USP42: variants seen among roughly 807,000 people sequenced by gnomAD.
The protein encoded by USP42 is ubiquitin specific peptidase 42.
Under a neutral mutation model 113.0 loss-of-function variants are expected in USP42, and 23 were observed. The observed-to-expected ratio is 0.20, with a 90% confidence interval of 0.15 to 0.29. The LOEUF (loss-of-function observed/expected upper bound fraction) is 0.29. Ranked by LOEUF, USP42 falls within the 10% of genes least tolerant of loss-of-function variation. USP42 has a pLI of 1.00. For synonymous variants in USP42, 933 were observed against 699.0 expected (o/e 1.33, Z -5.28); for missense variants, 2,174 against 1,779.8 (o/e 1.22, Z -3.99).
chr7:6,090,679 C>T, the USP42 span, among the ~76,000 whole-genome samples: 1 of 146,446 alleles, frequency 6.8e-6, no homozygotes, highest in Non-Finnish European at 1.5e-5. Flanking sequence ...CATGCCACTG[C>T]ACTCTAGCCT....
rs369785575 is a variant in USP42, at chr7:6,149,748, A to G, written c.1552A>G (p.Lys518Glu). ...GTCCTCAGTGATCCCAGAACATCCT[A>G]AGAAACAAAAAATTACAATCAGTAT... is the stretch of plus-strand genomic sequence containing the variant. ...NRSSVIPEHP[K>E]KQKITISIHN... The change falls in exon 13 of 18, where the codon AAG becomes GAG. Residue 518 changes from lysine (K) to glutamate (E), a missense_variant. By Grantham distance (56) the Lys-to-Glu change is moderately conservative. Transcript: ENST00000306177. The G allele has an allele frequency of 3.7e-6, 6 of 1,613,828 alleles. No individual in the cohort carries two copies. The highest frequency in any genetic ancestry group is 5.1e-6 in the Non-Finnish European group (6 of 1,179,878).
chr7:6,104,233 C>G (rs1779119607), upstream of USP42, among the ~76,000 whole-genome samples: 1 of 151,300 alleles, frequency 6.6e-6, no homozygotes, highest in Non-Finnish European at 1.5e-5. Flanking sequence ...CAGGCGCGCG[C>G]CACCACGCCC....
At chr7:6,116,518 T>G (rs948875251) in intron 3 of USP42, 3 of 277,418 alleles carry the variant, frequency 1.1e-5, no homozygotes, top group Non-Finnish European at 2.1e-5. Context: ...GATTCATGTG[T>G]GTATGTTCTG....
At chr7:6,094,277 G>A in the USP42 span, among the ~76,000 whole-genome samples, 1 of 151,068 alleles carries the variant, frequency 6.6e-6, no homozygotes, top group Non-Finnish European at 1.5e-5. Context: ...GGGCTCAAGC[G>A]ATCCTCCCAC....
At chr7:6,143,976 T>C (rs1781569928) in intron 8 of USP42, 109 bp from the exon 9 acceptor site, 1 of 633,684 alleles carries the variant, frequency 1.6e-6, no homozygotes, top group Non-Finnish European at 2.5e-6. Flanking sequence ...AGTGTCCTTT[T>C]TGGAACCTTA....
At chr7:6,134,816 C>T (rs748976441) in intron 3 of USP42, among the ~76,000 whole-genome samples, 9 of 152,042 alleles carry the variant, frequency 5.9e-5, no homozygotes, top group Non-Finnish European at 1.2e-4. Context: ...GACAGGGTCT[C>T]GCTCTGTTGC....
chr7:6,125,405 G>T (rs933365179), intron 3 of USP42, among the ~76,000 whole-genome samples: 1 of 151,900 alleles, frequency 6.6e-6, no homozygotes, highest in African/African-American at 2.4e-5. Flanking sequence ...TGGGAGAATC[G>T]CTTGAACCTT....
intron 15 of USP42, among the ~76,000 whole-genome samples, chr7:6,155,533 C>G (rs543056832): frequency 6.6e-6 from 1 of 152,208 alleles, no homozygotes; most frequent in South Asian, 2.1e-4. Flanking sequence ...GAGTCTTTGA[C>G]CTTAGAATTG....
In USP42 at chr7:6,161,324, G is replaced by A. The variant is rs1782770329; in HGVS notation, c.*806G>A. The A allele has an allele frequency of 6.6e-6, 1 of 152,482 alleles. No individual in the cohort carries two copies. Among genetic ancestry groups the A allele is most frequent in the Non-Finnish European group, 1.5e-5 (1 of 68,010 alleles). The allele number at this position is 152,482 out of a possible 1,614,324, so 9.4% of individuals were successfully genotyped here. On this transcript the variant is annotated 3_prime_UTR_variant, in exon 18 of 18. Coordinates refer to ENST00000306177, the MANE Select transcript of USP42 (RefSeq NM_032172.3). ...CATACTGTGATTTTATTTTTAATAT[G>A]GATATGCTATCAAACTGTGATACAC...
rs1781804843 is a variant in USP42, at chr7:6,147,781, C to T, written c.1275C>T (p.Thr425=). ...ATGGAGGTGAACTTACTCATCCCAC[C>T]CATAGCCCCGGCCAGTCCTCTCCCC... The part of the protein sequence containing the change: ...VKNGGELTHP[T]HSPGQSSPRP... Residue 425 remains threonine, a synonymous_variant, in exon 12 of 18, where the codon ACC becomes ACT. Transcript: ENST00000306177. The T allele has an allele frequency of 2.5e-6, 4 of 1,605,400 alleles. No homozygotes were observed. The highest frequency in any genetic ancestry group is 1.3e-5 in the African/African-American group (1 of 74,800).
Position 6,154,983 on chromosome 7 carries a change from C to T in USP42, c.3429C>T (p.Asp1143=). ...SHDRTALVAG[D]NCNLSDRFHE... is the part of the protein sequence containing the mutation. Reference sequence around the variant, plus strand: ...ACAGAACTGCACTTGTAGCCGGAGACAACTGTAACCTCTCTGATCGGTTTC... The same window carrying T: ...ACAGAACTGCACTTGTAGCCGGAGATAACTGTAACCTCTCTGATCGGTTTC... The change falls in exon 15 of 18, where the codon GAC becomes GAT. Residue 1143 remains aspartate, a synonymous_variant. Transcript: ENST00000306177. 3.8e-6 allele frequency: 6 copies of T among 1,563,204 alleles called. No homozygotes were observed. Among genetic ancestry groups the T allele is most frequent in the Non-Finnish European group, 4.3e-6 (5 of 1,153,384 alleles).
chr7:6,140,233 C>G, intron 6 of USP42, 38 bp downstream of exon 6: 1 of 1,567,840 alleles, frequency 6.4e-7, no homozygotes, highest in Non-Finnish European at 8.8e-7. Flanking sequence ...ATGATACACA[C>G]ATGTGGTTAA....
At chr7:6,149,506 C>T (rs757832805) in intron 12 of USP42, 77 bp from the exon 13 acceptor site, 14 of 1,509,766 alleles carry the variant, frequency 9.3e-6, no homozygotes, top group East Asian at 2.3e-5. Context: ...ATGGGAAGGA[C>T]CCATCAGCCA....
At chr7:6,110,501 T>G (rs1050556232) in intron 1 of USP42, among the ~76,000 whole-genome samples, 2 of 152,190 alleles carry the variant, frequency 1.3e-5, no homozygotes, top group Non-Finnish European at 2.9e-5. Flanking sequence ...TTGAGTTTGA[T>G]ATCAGTAATG....
intron 11 of USP42, among the ~76,000 whole-genome samples, chr7:6,146,753 C>G (rs965289475): frequency 6.6e-6 from 1 of 152,206 alleles, no homozygotes; most frequent in Non-Finnish European, 1.5e-5. Context: ...CTCCGCATCG[C>G]ACTCTGTGGC....
At chr7:6,110,688 C>G (rs1779553785) in intron 1 of USP42, among the ~76,000 whole-genome samples, 1 of 152,088 alleles carries the variant, frequency 6.6e-6, no homozygotes, top group South Asian at 2.1e-4. Context: ...GTAGTTGATG[C>G]TTTTCTCTGA....
rs755818175 is a variant in USP42 at position 6,150,465 on chromosome 7, C to T, written c.2160C>T (p.Phe720=). ...SLPEDKILET[F]RLSNKLKGST... The stretch of plus-strand genomic sequence containing the variant: ...CAGAAGACAAAATCTTAGAGACCTT[C>T]AGGCTTAGCAACAAACTGAAAGGCT... The change falls in exon 14 of 18, where the codon TTC becomes TTT. Residue 720 remains phenylalanine (F), a synonymous_variant. Transcript: ENST00000306177. 2.9e-5 allele frequency: 47 copies of T among 1,613,940 alleles called. No homozygotes were observed. The highest frequency in any genetic ancestry group is 3.8e-5 in the Non-Finnish European group (45 of 1,179,886).
chr7:6,108,673 G>C (rs1163647046), intron 1 of USP42, among the ~76,000 whole-genome samples: 1 of 152,034 alleles, frequency 6.6e-6, no homozygotes, highest in African/African-American at 2.4e-5. Flanking sequence ...TAGAGACAGG[G>C]TTTCACCATG....
chr7:6,146,575 G>T (rs912518602), intron 11 of USP42, among the ~76,000 whole-genome samples: 13 of 151,904 alleles, frequency 8.6e-5, no homozygotes, highest in African/African-American at 3.1e-4. Context: ...GAGGTGGGAG[G>T]ATTACCTGAG....
Sources: gnomAD v4.1 joint callset for allele counts (sites outside exome capture counted in the v4.1 genomes callset) on GRCh38, gnomAD v4.1.1 for gene constraint, MANE v1.5 for transcripts, NCBI Gene and HGNC (gene_info 2026-07-23, HGNC 2026-07-21) for gene names.